The following CCBE1 variants were observed in gnomAD, a reference collection of about 807,000 sequenced individuals.
CCBE1 encodes collagen and calcium-binding EGF domain-containing protein 1.
Under a neutral mutation model 50.0 loss-of-function variants are expected in CCBE1, and 37 were observed. The ratio of observed to expected loss-of-function variants is 0.74; its 90% CI spans 0.57 to 0.97. The LOEUF is 0.97. CCBE1 is among the 50% of genes least tolerant of loss of function. The probability of loss-of-function intolerance (pLI) is 0.00; values close to 1 mark genes in which losing one functional copy is unlikely to be tolerated. For missense variants in CCBE1, 538 were observed against 523.8 expected (o/e 1.03, Z -0.26); for synonymous variants, 234 against 203.7 (o/e 1.15, Z -1.27).
chr18:59,529,546 G>A (rs1401253013), intron 2 of CCBE1, among the ~76,000 whole-genome samples: 1 of 152,210 alleles, frequency 6.6e-6, no homozygotes, highest in Admixed American at 6.5e-5. Flanking sequence ...AAAAAGCATG[G>A]TTTCCTGGGG....
intron 2 of CCBE1, among the ~76,000 whole-genome samples, chr18:59,632,562 CT>C (rs1252585754): frequency 1.3e-5 from 2 of 151,978 alleles, no homozygotes; most frequent in Non-Finnish European, 2.9e-5. Flanking sequence ...GCGTGAGCCA[CT>C]GTGCCCAGCC....
chr18:59,447,210 C>T (rs927058180), intron 7 of CCBE1, among the ~76,000 whole-genome samples: 2 of 151,938 alleles, frequency 1.3e-5, no homozygotes, highest in African/African-American at 2.4e-5. Flanking sequence ...TACACACATA[C>T]GTATATATGT....
chr18:59,651,502 A>C (rs537826565), intron 2 of CCBE1, among the ~76,000 whole-genome samples: 54 of 152,350 alleles, frequency 3.5e-4, no homozygotes, highest in African/African-American at 1.3e-3. Flanking sequence ...CATTCACAGA[A>C]CTAAATCAAG....
At chr18:59,487,871 G>A (rs1406387321) in intron 2 of CCBE1, among the ~76,000 whole-genome samples, 1 of 152,008 alleles carries the variant, frequency 6.6e-6, no homozygotes, top group East Asian at 1.9e-4. Flanking sequence ...TTGAAAGCAG[G>A]GACTCAAACA....
chr18:59,455,363 A>G (rs983547810), intron 5 of CCBE1, among the ~76,000 whole-genome samples: 6 of 152,148 alleles, frequency 3.9e-5, no homozygotes, highest in Admixed American at 2.0e-4. Context: ...CTGGGCCTCA[A>G]AGCTGCCTTT....
intron 5 of CCBE1, chr18:59,458,922 A>G (rs1911334330): frequency 6.6e-6 from 1 of 152,260 alleles, no homozygotes; most frequent in Non-Finnish European, 1.5e-5. Flanking sequence ...TAGTAAGGAG[A>G]GTAGGCGCTG....
chr18:59,677,685 A>G (rs1599128736), intron 2 of CCBE1, among the ~76,000 whole-genome samples: 1 of 147,352 alleles, frequency 6.8e-6, no homozygotes, highest in East Asian at 1.9e-4. Flanking sequence ...GTCTTTTTAA[A>G]AGATTATCTC....
Position 59,435,580 on chromosome 18 carries a change from A to G in CCBE1, c.*328T>C. 1 of 350,394 alleles carries G rather than the reference A, an allele frequency of 2.9e-6. No homozygotes were observed. 21.7% of individuals were successfully genotyped at this position (350,394 alleles called of 1,614,324 possible). A position where few individuals can be genotyped will look rare whatever the true frequency, so the allele number is the denominator to read the frequency against. ...TACTCTGCCAAATTTAACTTCAAGA[A>G]TTTATGATTTAAGACACTGTGAGAG... On this transcript the variant is annotated 3_prime_UTR_variant, in exon 11 of 11. Coordinates refer to ENST00000439986, the MANE Select transcript of CCBE1 (RefSeq NM_133459.4).
At chr18:59,687,059 C>T (rs1325761533) in intron 2 of CCBE1, among the ~76,000 whole-genome samples, 1 of 152,176 alleles carries the variant, frequency 6.6e-6, no homozygotes, top group Non-Finnish European at 1.5e-5. Flanking sequence ...CTCAGCTCTA[C>T]CATGCAATTT....
intron 7 of CCBE1, among the ~76,000 whole-genome samples, chr18:59,443,752 G>A (rs923198108): frequency 2.6e-5 from 4 of 152,168 alleles, no homozygotes; most frequent in African/African-American, 9.7e-5. Context: ...TTACAGGTGT[G>A]AGCCACGGCC....
intron 2 of CCBE1, among the ~76,000 whole-genome samples, chr18:59,595,222 T>G (rs1038098605): frequency 1.3e-5 from 2 of 149,446 alleles, no homozygotes; most frequent in Admixed American, 1.3e-4. Context: ...TACTGTTTTT[T>G]GCTTTTTTTT....
At position 59,590,214 on chromosome 18, in the gene CCBE1, T is replaced by C. The variant is rs568897643; in HGVS notation, c.212+106415A>G. On this transcript the variant is annotated intron_variant, in intron 2 of 10. Transcript: ENST00000439986. ...AAGAATTAGAACAGTAGTAAAACTA[T>C]ATGTGCAAATGAGACAGTGTATCTA... Among the ~76,000 whole-genome samples, 3 of 152,256 alleles carry C rather than the reference T, an allele frequency of 2.0e-5. No individual in the cohort carries two copies. The East Asian group carries it at 5.8e-4, about 29-fold the overall frequency.
intron 2 of CCBE1, among the ~76,000 whole-genome samples, chr18:59,500,279 C>A (rs1913555428): frequency 6.6e-6 from 1 of 152,216 alleles, no homozygotes; most frequent in East Asian, 1.9e-4. Context: ...GGACTCAGGT[C>A]TGGGAGACCT....
chr18:59,581,275 T>A (rs2053080457), intron 2 of CCBE1, among the ~76,000 whole-genome samples: 1 of 151,928 alleles, frequency 6.6e-6, no homozygotes, highest in East Asian at 1.9e-4. Flanking sequence ...ACCCCATCTC[T>A]ACTAAAAATA....
chr18:59,457,700 C>T (rs1911262290), intron 5 of CCBE1, among the ~76,000 whole-genome samples: 1 of 152,152 alleles, frequency 6.6e-6, no homozygotes, highest in Non-Finnish European at 1.5e-5. Flanking sequence ...GGTCACCTAG[C>T]AAGTATCTGA....
intron 2 of CCBE1, among the ~76,000 whole-genome samples, chr18:59,556,770 T>C (rs2052662984): frequency 6.6e-6 from 1 of 152,230 alleles, no homozygotes; most frequent in African/African-American, 2.4e-5. Context: ...AGTGGAAATG[T>C]CCAAGGAAAG....
intron 2 of CCBE1, among the ~76,000 whole-genome samples, chr18:59,532,712 C>T (rs1568191065): frequency 6.6e-6 from 1 of 152,214 alleles, no homozygotes; most frequent in Non-Finnish European, 1.5e-5. Flanking sequence ...TGACAATCTC[C>T]CTTCCATGCC....
intron 2 of CCBE1, among the ~76,000 whole-genome samples, chr18:59,524,677 G>A (rs1914744948): frequency 6.6e-6 from 1 of 152,160 alleles, no homozygotes; most frequent in South Asian, 2.1e-4. Context: ...TGCCATGGTG[G>A]TTTGCTGCAC....
chr18:59,502,545 G>A (rs1222408513), intron 2 of CCBE1, among the ~76,000 whole-genome samples: 1 of 152,116 alleles, frequency 6.6e-6, no homozygotes, highest in East Asian at 1.9e-4. Flanking sequence ...CTTGTACATG[G>A]CACACTTTCA....
Sources: gnomAD v4.1 joint callset for allele counts (sites outside exome capture counted in the v4.1 genomes callset) on GRCh38, gnomAD v4.1.1 for gene constraint, MANE v1.5 for transcripts, NCBI Gene and HGNC (gene_info 2026-07-23, HGNC 2026-07-21) for gene names.